ERG: variants seen among roughly 807,000 people sequenced by gnomAD.
ERG encodes the protein transcriptional regulator ERG.
A neutral mutation model predicts 55.3 loss-of-function variants in ERG; 9 were observed. The observed-to-expected ratio is 0.16, with a 90% CI of 0.10 to 0.28. The LOEUF (loss-of-function observed/expected upper bound fraction) is 0.28. ERG is among the 10% of genes least tolerant of loss of function. The pLI is 1.00. For synonymous variants in ERG, 223 were observed against 237.3 expected (o/e 0.94, Z 0.55); for missense variants, 434 against 631.6 (o/e 0.69, Z 3.35).
intron 1 of ERG, among the ~76,000 whole-genome samples, chr21:38,450,034 A>G (rs1301408787): frequency 1.3e-5 from 2 of 152,094 alleles, no homozygotes; most frequent in Admixed American, 6.6e-5. Flanking sequence ...TTTGATAATT[A>G]TGAAAAACAA....
intron 1 of ERG, among the ~76,000 whole-genome samples, chr21:38,649,245 AG>A (rs1293687323): frequency 6.6e-6 from 1 of 152,102 alleles, no homozygotes; most frequent in African/African-American, 2.4e-5. Context: ...GGCAGCACCC[AG>A]GGGGCTTCTG....
intron 2 of ERG, among the ~76,000 whole-genome samples, chr21:38,429,763 AC>A (rs1223533197): frequency 2.7e-5 from 4 of 150,324 alleles, no homozygotes; most frequent in Non-Finnish European, 4.5e-5. Context: ...ACACACACAC[AC>A]CACATTTTCT....
chr21:38,626,232 C>A (rs999104268), intron 1 of ERG, among the ~76,000 whole-genome samples: 15 of 152,040 alleles, frequency 9.9e-5, no homozygotes, highest in African/African-American at 3.6e-4. Context: ...ACTCACTTTT[C>A]CCAAAATGTC....
intron 3 of ERG, among the ~76,000 whole-genome samples, chr21:38,419,464 A>G (rs1222788972): frequency 6.6e-6 from 1 of 152,164 alleles, no homozygotes; most frequent in African/African-American, 2.4e-5. Flanking sequence ...GCCAAATAAC[A>G]CCTACCTTTT....
At chr21:38,484,273 A>G (rs938851629) in intron 1 of ERG, among the ~76,000 whole-genome samples, 1 of 152,110 alleles carries the variant, frequency 6.6e-6, no homozygotes, top group Non-Finnish European at 1.5e-5. Flanking sequence ...TCGGGGTTCT[A>G]TAGATTCTTA....
At chr21:38,616,341 C>G (rs933695860) in intron 1 of ERG, among the ~76,000 whole-genome samples, 3 of 152,070 alleles carry the variant, frequency 2.0e-5, no homozygotes, top group African/African-American at 7.2e-5. Context: ...TGGGATTCCT[C>G]TGTGTACGGC....
Position 38,418,398 on chromosome 21 carries a change from C to T in ERG, c.388+5012G>A, listed in dbSNP as rs568622125. 2.5e-4 allele frequency among the ~76,000 whole-genome samples: 38 copies of T among 151,826 alleles called. 1 individual carries two copies. Among genetic ancestry groups the T allele is most frequent in the African/African-American group, 8.2e-4 (34 of 41,390 alleles). On this transcript the variant is annotated intron_variant, in intron 3 of 9. Transcript: ENST00000288319. ...AACTTCTGGGCTCAAAGAATCCTCCCGCCTCAGTCTCCCAAGTAGCTGGGA... is the reference window on the plus strand; with the variant it reads ...AACTTCTGGGCTCAAAGAATCCTCCTGCCTCAGTCTCCCAAGTAGCTGGGA...
intron 1 of ERG, among the ~76,000 whole-genome samples, chr21:38,457,333 G>T (rs1391573162): frequency 1.3e-5 from 2 of 152,014 alleles, no homozygotes; most frequent in Non-Finnish European, 2.9e-5. Context: ...CTACTCAGGA[G>T]GCTGAGGCAG....
chr21:38,393,368 G>A (rs1283657282), intron 6 of ERG, among the ~76,000 whole-genome samples: 1 of 152,192 alleles, frequency 6.6e-6, no homozygotes. Flanking sequence ...CTTGCTAAGA[G>A]TGCATAGCTA....
chr21:38,593,266 C>T (rs1451350960), intron 1 of ERG, among the ~76,000 whole-genome samples: 1 of 152,176 alleles, frequency 6.6e-6, no homozygotes, highest in Non-Finnish European at 1.5e-5. Context: ...CGGATGACAT[C>T]AAGAAAGTAA....
At chr21:38,516,106 C>T (rs927748024) in intron 2 of ERG, among the ~76,000 whole-genome samples, 26 of 151,948 alleles carry the variant, frequency 1.7e-4, no homozygotes, top group African/African-American at 6.0e-4. Flanking sequence ...CACTTCTATT[C>T]AATATAGGAC....
chr21:38,492,028 A>G (rs150935477), intron 1 of ERG, among the ~76,000 whole-genome samples: 220 of 80,148 alleles, frequency 2.7e-3, no homozygotes, highest in African/African-American at 6.0e-3. Flanking sequence ...AATTTTCATT[A>G]TCCAATTATT....
intron 1 of ERG, among the ~76,000 whole-genome samples, chr21:38,626,203 T>C (rs1345826604): frequency 3.3e-5 from 5 of 152,334 alleles, no homozygotes; most frequent in African/African-American, 9.6e-5. Flanking sequence ...ATTACAGGCG[T>C]GAGCCACGTT....
rs188250112 is a variant in ERG at position 38,402,190 on chromosome 21, C to A, written c.673+367G>T. Reference sequence around the variant, plus strand: ...AAAAATTAAAGGAGGTTGCTAAGGGCCCTTTTATATCGAACATGCTTTTAG... The same window carrying A: ...AAAAATTAAAGGAGGTTGCTAAGGGACCTTTTATATCGAACATGCTTTTAG... On this transcript the variant is annotated intron_variant, in intron 5 of 9. Transcript: ENST00000288319. Among the ~76,000 whole-genome samples the A allele has an allele frequency of 2.1e-3, 319 of 152,244 alleles. 2 individuals carry two copies. Among genetic ancestry groups the A allele is most frequent in the African/African-American group, 7.3e-3 (305 of 41,532 alleles).
At chr21:38,598,112 C>T (rs1271118893) in intron 1 of ERG, among the ~76,000 whole-genome samples, 2 of 152,202 alleles carry the variant, frequency 1.3e-5, no homozygotes, top group Non-Finnish European at 2.9e-5. Flanking sequence ...ATAGCAAGGA[C>T]TGTAAGCCCG....
Position 38,594,770 on chromosome 21 carries a change from C to A in ERG, c.-149-9825G>T, listed in dbSNP as rs149489793. ...GACAACAATAATAACTTAGGCAAAA[C>A]AGAAATCAAATGCAGCTTGCAGAAG... On this transcript the variant is annotated intron_variant, in intron 1 of 10. Coordinates refer to the ERG transcript ENST00000398910. Among the ~76,000 whole-genome samples, 1,057 of 152,298 alleles carry A rather than the reference C, an allele frequency of 6.9e-3. 2 individuals are homozygous for A. Among genetic ancestry groups the A allele is most frequent in the Non-Finnish European group, 0.011 (743 of 68,026 alleles).
chr21:38,387,371 C>G (rs1042901933), intron 9 of ERG, among the ~76,000 whole-genome samples: 2 of 152,124 alleles, frequency 1.3e-5, no homozygotes, highest in Non-Finnish European at 2.9e-5. Context: ...GTCTCTGCCC[C>G]GAGGCTCAGT....
chr21:38,657,651 G>T (rs539581621), intron 1 of ERG, among the ~76,000 whole-genome samples: 79 of 152,146 alleles, frequency 5.2e-4, no homozygotes, highest in African/African-American at 1.8e-3. Flanking sequence ...GAACTGGTTT[G>T]GGTGACAGCC....
At chr21:38,374,324 G>A in the ERG span, among the ~76,000 whole-genome samples, 2 of 152,252 alleles carry the variant, frequency 1.3e-5, no homozygotes, top group Non-Finnish European at 2.9e-5. Context: ...ACTGTAAACA[G>A]TTGTCGACCA....
Sources: gnomAD v4.1 joint callset for allele counts (sites outside exome capture counted in the v4.1 genomes callset) on GRCh38, gnomAD v4.1.1 for gene constraint, MANE v1.5 for transcripts, NCBI Gene and HGNC (gene_info 2026-07-23, HGNC 2026-07-21) for gene names.